The following IL17RC variants were observed in gnomAD, a reference collection of about 807,000 sequenced individuals.
IL17RC encodes the protein interleukin 17 receptor C.
IL17RC carries 53 observed loss-of-function variants against 86.7 expected under a neutral mutation model. That is an observed-to-expected ratio of 0.61 (90% CI 0.49 to 0.77). The LOEUF (loss-of-function observed/expected upper bound fraction) is 0.77. Among genes scored for constraint, IL17RC ranks in the 30% least tolerant of loss-of-function variants. The probability of loss-of-function intolerance (pLI) is 0.00; values close to 1 mark genes in which losing one functional copy is unlikely to be tolerated. For missense variants in IL17RC, 957 were observed against 940.0 expected (o/e 1.02, Z -0.24); for synonymous variants, 439 against 413.1 (o/e 1.06, Z -0.76).
At chr3:9,925,201 C>A (rs2083947052) in intron 9 of IL17RC, among the ~76,000 whole-genome samples, 1 of 118,836 alleles carries the variant, frequency 8.4e-6, no homozygotes, top group Admixed American at 8.9e-5. Flanking sequence ...CTGCAAGCTG[C>A]TTCTCCTGGG....
rs1420371008 is a variant in IL17RC, at chr3:9,917,721, C to G, written c.114C>G (p.Ser38=). 6.2e-7 allele frequency: 1 copy of G among 1,613,776 alleles called. No individual in the cohort carries two copies. The highest frequency in any genetic ancestry group is 8.5e-7 in the Non-Finnish European group (1 of 1,180,024). ...QDATHCSPGL[S]CRLWDSDILC... ...CTTTCTTTCCTTCCCAGGGCCTCTC[C>G]TGCCGCCTCTGGGGTAAGTATCCCT... Residue 38 remains serine, a synonymous_variant, in exon 2 of 19, where the codon TCC becomes TCG. Transcript: ENST00000403601.
In IL17RC at chr3:9,930,008, T is replaced by G; in HGVS notation, c.1157-20T>G. On this transcript the variant is annotated intron_variant, in intron 13 of 18. Transcript: ENST00000403601. This position sits in a 1 kb window ranked among gnomAD's most constrained non-coding sequence, Gnocchi z 5.8. ...CAGCAAGGATGGGTCTTGGTCAGAG[T>G]GGCCTCTCACCCCTTCCAGACTCCC... 1.2e-6 allele frequency: 2 copies of G among 1,613,692 alleles called. No individual in the cohort carries two copies. The highest frequency in any genetic ancestry group is 2.2e-5 in the South Asian group (2 of 91,082).
At chr3:9,919,383 A>G (rs1203352763) in intron 5 of IL17RC, among the ~76,000 whole-genome samples, 4 of 152,042 alleles carry the variant, frequency 2.6e-5, no homozygotes, top group African/African-American at 4.8e-5. Flanking sequence ...AGTGGTTCAC[A>G]CCTGTAATCC....
Position 9,933,303 on chromosome 3 carries a change from G to A in IL17RC, c.1873G>A (p.Ala625Thr), listed in dbSNP as rs765396735. Residue 625 changes from alanine (A) to threonine (T), a missense_variant, in exon 19 of 19, where the codon GCG (alanine) becomes ACG (threonine). Coordinates refer to ENST00000403601, the MANE Select transcript of IL17RC (RefSeq NM_153460.4). The stretch of plus-strand genomic sequence containing the variant: ...GCTGCCCGACTTCTTGCAGGGCCGG[G>A]CGCCCGGCAGCTACGTGGGGGCCTG... ...CVLPDFLQGRAPGSYVGACFD... is the reference protein window; with the variant it reads ...CVLPDFLQGRTPGSYVGACFD... The A allele has an allele frequency of 5.6e-6, 9 of 1,604,670 alleles. No homozygotes were observed. Among genetic ancestry groups the A allele is most frequent in the South Asian group, 4.4e-5 (4 of 90,018 alleles).
chr3:9,918,106 G>A (rs1166620995), intron 3 of IL17RC, 31 bp downstream of exon 3: 1 of 1,550,804 alleles, frequency 6.4e-7, no homozygotes, highest in East Asian at 2.4e-5. Context: ...CAGTGCATGT[G>A]TACACGTGAG....
chr3:9,931,470 C>CACACACAT (rs750351615), intron 16 of IL17RC, among the ~76,000 whole-genome samples: 13 of 43,690 alleles, frequency 3.0e-4, no homozygotes, highest in Non-Finnish European at 5.8e-4. Context: ...CACACACACA[C>CACACACAT]ATATATATAT....
At chr3:9,932,525 C>T in intron 16 of IL17RC, 83 bp from the exon 17 acceptor site, 1 of 1,305,324 alleles carries the variant, frequency 7.7e-7, no homozygotes, top group Non-Finnish European at 1.1e-6. Flanking sequence ...CCACCGCACC[C>T]GGCCCAATTC....
In IL17RC at chr3:9,930,834, C is replaced by G; in HGVS notation, c.1339-61C>G. On this transcript the variant is annotated intron_variant, in intron 15 of 18. Coordinates refer to ENST00000403601, the MANE Select transcript of IL17RC (RefSeq NM_153460.4). The surrounding 1 kb of genome is among the most constrained non-coding windows in gnomAD (Gnocchi z 5.8). ...GAATTTGGAGATCAGGCCACCAGAG[C>G]TTGGTGAATATTGGAACACCTGGCT... The G allele has an allele frequency of 2.8e-6, 4 of 1,442,874 alleles. No homozygotes were observed. Among genetic ancestry groups the G allele is most frequent in the Non-Finnish European group, 2.9e-6 (3 of 1,023,934 alleles). The allele number at this position is 1,442,874 out of a possible 1,614,324, so 89.4% of individuals were successfully genotyped here. A position where few individuals can be genotyped will look rare whatever the true frequency, so the allele number is the denominator to read the frequency against.
intron 12 of IL17RC, 189 bp from the exon 13 acceptor site, chr3:9,929,663 C>A: frequency 1.4e-6 from 1 of 690,654 alleles, no homozygotes; most frequent in Admixed American, 2.1e-5. Context: ...TACAGATGAT[C>A]TCACAAGGCT....
intron 5 of IL17RC, among the ~76,000 whole-genome samples, chr3:9,920,111 C>T (rs982571715): frequency 6.6e-6 from 1 of 152,108 alleles, no homozygotes; most frequent in African/African-American, 2.4e-5. Context: ...TGGTCCATGT[C>T]ACAAGCAGTT....
chr3:9,921,125 T>C (rs949695378), intron 7 of IL17RC, among the ~76,000 whole-genome samples, 156 bp downstream of exon 7: 3 of 152,218 alleles, frequency 2.0e-5, no homozygotes, highest in African/African-American at 7.2e-5. Flanking sequence ...CATAACACAT[T>C]AATTGCAGTA....
Position 9,933,320 on chromosome 3 carries a change from G to A in IL17RC, c.1890G>A (p.Val630=), listed in dbSNP as rs2084972835. 1 of 1,607,964 alleles carries A rather than the reference G, an allele frequency of 6.2e-7. No individual in the cohort carries two copies. The highest frequency in any genetic ancestry group is 8.5e-7 in the Non-Finnish European group (1 of 1,177,386). ...FLQGRAPGSY[V]GACFDRLLHP... ...AGGGCCGGGCGCCCGGCAGCTACGTGGGGGCCTGCTTCGACAGGCTGCTCC... is the reference window on the plus strand; with the variant it reads ...AGGGCCGGGCGCCCGGCAGCTACGTAGGGGCCTGCTTCGACAGGCTGCTCC... The change falls in exon 19 of 19, where the codon GTG becomes GTA. Residue 630 remains valine (V), a synonymous_variant. Transcript: ENST00000403601.
At chr3:9,927,260 A>G (rs1223269889) in intron 9 of IL17RC, among the ~76,000 whole-genome samples, 1 of 152,204 alleles carries the variant, frequency 6.6e-6, no homozygotes, top group African/African-American at 2.4e-5. Flanking sequence ...TTGTGGAATG[A>G]ATTAAAATTA....
chr3:9,928,675 C>G, intron 12 of IL17RC, 45 bp downstream of exon 12: 1 of 1,595,792 alleles, frequency 6.3e-7, no homozygotes, highest in Non-Finnish European at 8.6e-7. Flanking sequence ...TGGACCTGGG[C>G]AGACCCCCCA....
chr3:9,927,041 A>C (rs2084149138), intron 9 of IL17RC, among the ~76,000 whole-genome samples: 1 of 152,220 alleles, frequency 6.6e-6, no homozygotes, highest in African/African-American at 2.4e-5. Flanking sequence ...GCTGTGATTT[A>C]AATGGCTTCA....
chr3:9,920,681 G>C, intron 6 of IL17RC, 79 bp downstream of exon 6: 1 of 993,734 alleles, frequency 1.0e-6, no homozygotes, highest in Non-Finnish European at 1.6e-6. Context: ...CCCTCTTCTA[G>C]CTCCATCCAC....
chr3:9,931,462 C>CATAT (rs1467036360), intron 16 of IL17RC, among the ~76,000 whole-genome samples: 110 of 130,328 alleles, frequency 8.4e-4, no homozygotes, highest in African/African-American at 3.7e-3. Flanking sequence ...TTCACACACA[C>CATAT]ACACACACAT....
chr3:9,919,333 G>A (rs1290606891), intron 5 of IL17RC, among the ~76,000 whole-genome samples: 1 of 128,724 alleles, frequency 7.8e-6, no homozygotes, highest in Non-Finnish European at 1.8e-5. Context: ...TTTTGTTTTT[G>A]TTTTTGCCAC....
At chr3:9,924,118 C>T (rs9880483) in intron 8 of IL17RC, 98 bp downstream of exon 8, 3 of 1,608,876 alleles carry the variant, frequency 1.9e-6, no homozygotes, top group Non-Finnish European at 2.5e-6. Context: ...AGAGGACTCA[C>T]CCCAAGCAAG....
Sources: allele counts gnomAD v4.1 joint callset (sites outside exome capture counted in the v4.1 genomes callset), GRCh38; gene constraint gnomAD v4.1.1; non-coding constraint Gnocchi (gnomAD v3.1); transcripts MANE v1.5; gene names NCBI Gene and HGNC (gene_info 2026-07-23, HGNC 2026-07-21).